SLC6A5: variants seen among roughly 807,000 people sequenced by gnomAD.
SLC6A5 encodes sodium- and chloride-dependent glycine transporter 2.
Under a neutral mutation model 90.5 loss-of-function variants are expected in SLC6A5, and 58 were observed. That is an observed-to-expected ratio of 0.64 (90% CI 0.52 to 0.80). The LOEUF is 0.80. Among genes scored for constraint, SLC6A5 ranks in the 30% least tolerant of loss-of-function variants. The probability of loss-of-function intolerance (pLI) is 0.00; values close to 1 mark genes in which losing one functional copy is unlikely to be tolerated. For synonymous variants in SLC6A5, 427 were observed against 401.4 expected (o/e 1.06, Z -0.76); for missense variants, 1,015 against 1,017.6 (o/e 1.00, Z 0.03).
intron 2 of SLC6A5, among the ~76,000 whole-genome samples, chr11:20,601,867 C>G (rs1356769015): frequency 6.6e-6 from 1 of 152,208 alleles, no homozygotes; most frequent in Admixed American, 6.5e-5. Flanking sequence ...GCTGCAGTGA[C>G]CCTGCCAGAG....
intron 12 of SLC6A5, among the ~76,000 whole-genome samples, chr11:20,637,523 A>G (rs1253731898): frequency 6.6e-6 from 1 of 152,158 alleles, no homozygotes; most frequent in East Asian, 1.9e-4. Context: ...ATTGAGATGT[A>G]GCCTTATTGA....
intron 12 of SLC6A5, 21 bp downstream of exon 12, chr11:20,637,324 A>C: frequency 9.6e-6 from 11 of 1,141,536 alleles, no homozygotes; most frequent in East Asian, 8.4e-5. Flanking sequence ...TCCTAGGCAC[A>C]GGCTTGGGGT....
At position 20,629,736 on chromosome 11, in the gene SLC6A5, T is replaced by C. The variant is rs556176119; in HGVS notation, c.1500-955T>C. Among the ~76,000 whole-genome samples, 210 of 152,088 alleles carry C rather than the reference T, an allele frequency of 1.4e-3. 1 individual carries two copies. Among genetic ancestry groups the C allele is most frequent in the South Asian group, 2.7e-3 (13 of 4,814 alleles). On this transcript the variant is annotated intron_variant, in intron 9 of 15. Coordinates refer to ENST00000525748, the MANE Select transcript of SLC6A5 (RefSeq NM_004211.5). ...CTCATAGTGCTGTAGGATGATTTTT[T>C]TTTTTTTTTTTGAGATGGAGTTTCG...
At chr11:20,640,929 T>A (rs951167901) in intron 13 of SLC6A5, among the ~76,000 whole-genome samples, 3 of 152,228 alleles carry the variant, frequency 2.0e-5, no homozygotes, top group Admixed American at 6.5e-5. Flanking sequence ...GTTTTCTTCT[T>A]GTTTCTAATA....
chr11:20,600,384 G>GAAGA (rs1555037534), intron 1 of SLC6A5, among the ~76,000 whole-genome samples: 4 of 149,814 alleles, frequency 2.7e-5, no homozygotes, highest in Non-Finnish European at 1.5e-5. Context: ...AGAAGAAGAA[G>GAAGA]AAGAAGAAGA....
rs68111718 is a variant in SLC6A5, at chr11:20,618,945, G to GACACAC, written c.1260+1091_1260+1096dup. The stretch of plus-strand genomic sequence containing the variant: ...GACAGAGTGAGATCCTGTCCCGCCC[G>GACACAC]ACACACACACACACACACACACACA... On this transcript the variant is annotated intron_variant, in intron 7 of 15. Transcript: ENST00000525748. 4.6e-3 allele frequency among the ~76,000 whole-genome samples: 690 copies of GACACAC among 148,746 alleles called. 11 individuals carry two copies. The highest frequency in any genetic ancestry group is 0.014 in the African/African-American group (551 of 40,530).
chr11:20,655,368 T>G lies in SLC6A5; in HGVS notation c.*500T>G, dbSNP rs2133828511. On this transcript the variant is annotated 3_prime_UTR_variant, in exon 16 of 16. Transcript: ENST00000525748. ...AGAGTTAGCAGTGGTCAGAAAATGT[T>G]TTGGATGTAAGACAAGACCATTCAA... 4.9e-6 allele frequency: 1 copy of G among 204,118 alleles called. No homozygotes were observed. Among genetic ancestry groups the G allele is most frequent in the South Asian group, 9.2e-5 (1 of 10,818 alleles). The allele number at this position is 204,118 out of a possible 1,614,324, so 12.6% of individuals were successfully genotyped here.
Position 20,634,636 on chromosome 11 carries a change from T to G in SLC6A5, c.1625-1671T>G, listed in dbSNP as rs79771048. On this transcript the variant is annotated intron_variant, in intron 10 of 15. Transcript: ENST00000525748. Reference sequence around the variant, plus strand: ...TTGAACTTTAGTTTAATACAGACTTTTCTTTTACGGTTCACATAGGGAGCC... The same window carrying G: ...TTGAACTTTAGTTTAATACAGACTTGTCTTTTACGGTTCACATAGGGAGCC... 0.031 allele frequency among the ~76,000 whole-genome samples: 4,702 copies of G among 152,312 alleles called. 459 individuals are homozygous for G. The East Asian group carries it at 0.38, about 12-fold the overall frequency.
In SLC6A5 at chr11:20,652,051, A is replaced by T. The variant is rs182084671; in HGVS notation, c.2071-238A>T. 6.1e-4 allele frequency among the ~76,000 whole-genome samples: 92 copies of T among 152,060 alleles called. 1 individual carries two copies. Among genetic ancestry groups the T allele is most frequent in the South Asian group, 1.2e-3 (6 of 4,826 alleles). On this transcript the variant is annotated intron_variant, in intron 14 of 15. Transcript: ENST00000525748. ...CCTGTCTGTATGTATACACATGCACACATATTGCTCCGCTCCCATGGTTTG... is the reference window on the plus strand; with the variant it reads ...CCTGTCTGTATGTATACACATGCACTCATATTGCTCCGCTCCCATGGTTTG...
chr11:20,601,301 C>T lies in SLC6A5; in HGVS notation c.176C>T (p.Ala59Val), dbSNP rs1185416798. The T allele has an allele frequency of 2.5e-6, 4 of 1,591,348 alleles. No individual in the cohort carries two copies. Among genetic ancestry groups the T allele is most frequent in the Non-Finnish European group, 3.4e-6 (4 of 1,173,996 alleles). The change falls in exon 2 of 16, where the codon GCC (alanine) becomes GTC (valine). Residue 59 changes from alanine (A) to valine (V), a missense_variant. This residue lies in a region of SLC6A5 where 567 missense variants were observed against 507.3 expected (regional missense o/e 1.12). Coordinates refer to ENST00000525748, the MANE Select transcript of SLC6A5 (RefSeq NM_004211.5). ...GTGCCCAGGTCCGCTTCCACCGGCG[C>T]CCAAACTTTCCAGTCAGCGGACGCG... ...PRVPRSASTGAQTFQSADARA... is the reference protein window; with the variant it reads ...PRVPRSASTGVQTFQSADARA...
chr11:20,642,808 G>C (rs1449709233), intron 13 of SLC6A5, among the ~76,000 whole-genome samples: 1 of 152,226 alleles, frequency 6.6e-6, no homozygotes. Context: ...GCAGAGGCTG[G>C]AGGAACTGGA....
intron 5 of SLC6A5, among the ~76,000 whole-genome samples, chr11:20,608,958 C>CTGTGTGTGTGTG (rs71063652): frequency 7.2e-5 from 8 of 110,838 alleles, no homozygotes; most frequent in Non-Finnish European, 1.2e-4. Flanking sequence ...CTCTCTCTCT[C>CTGTGTGTGTGTG]TGTGTGTGTG....
chr11:20,644,448 G>A (rs12226489), intron 13 of SLC6A5, among the ~76,000 whole-genome samples: 10,989 of 152,230 alleles, frequency 0.072, 697 homozygotes, highest in East Asian at 0.2. Flanking sequence ...ACGCCGTTGT[G>A]TATGTACACC....
chr11:20,647,502 C>T lies in SLC6A5; in HGVS notation c.2070+568C>T, dbSNP rs971656410. 4.4e-5 allele frequency among the ~76,000 whole-genome samples: 6 copies of T among 137,322 alleles called. No individual in the cohort carries two copies. The East Asian group carries it at 1.4e-3, about 31-fold the overall frequency. 90.1% of individuals were successfully genotyped at this position (137,322 alleles called of 152,430 possible). On this transcript the variant is annotated intron_variant, in intron 14 of 15. Coordinates refer to ENST00000525748, the MANE Select transcript of SLC6A5 (RefSeq NM_004211.5). ...GTTCCTATATATATATATAAATGTT[C>T]CTATGGAACATTTCCTATGGCACAT...
intron 7 of SLC6A5, among the ~76,000 whole-genome samples, chr11:20,620,125 G>T (rs1852862050): frequency 6.6e-6 from 1 of 152,100 alleles, no homozygotes; most frequent in African/African-American, 2.4e-5. Flanking sequence ...GTCACTTATG[G>T]CTAGAAATGG....
chr11:20,644,377 T>G (rs1182112559), intron 13 of SLC6A5, among the ~76,000 whole-genome samples: 1 of 152,212 alleles, frequency 6.6e-6, no homozygotes, highest in Non-Finnish European at 1.5e-5. Flanking sequence ...TCGCATAATG[T>G]CCTCCAGGTT....
chr11:20,601,524 C>A lies in SLC6A5; in HGVS notation c.399C>A (p.Asn133Lys), dbSNP rs774770948. 15 of 1,614,004 alleles carry A rather than the reference C, an allele frequency of 9.3e-6. No homozygotes were observed. Among genetic ancestry groups the A allele is most frequent in the African/African-American group, 1.3e-5 (1 of 74,938 alleles). Reference sequence around the variant, plus strand: ...TGCGAGGCCCGGAGGGGGATGCGAACGTGAGTGTGGGCAAGGGCACCCTGG... The same window carrying A: ...TGCGAGGCCCGGAGGGGGATGCGAAAGTGAGTGTGGGCAAGGGCACCCTGG... ...PFLRGPEGDANVSVGKGTLER... is the reference protein window; with the variant it reads ...PFLRGPEGDAKVSVGKGTLER... Residue 133 changes from asparagine to lysine, a missense_variant, in exon 2 of 16, where the codon AAC (asparagine) becomes AAA (lysine). By Grantham distance (94) the Asn-to-Lys change is moderately conservative. Around this residue, in one of 3 missense-constraint regions of SLC6A5, gnomAD observed 567 missense variants for 507.3 expected, o/e 1.12. Coordinates refer to ENST00000525748, the MANE Select transcript of SLC6A5 (RefSeq NM_004211.5).
At chr11:20,616,617 C>G (rs1331812308) in intron 6 of SLC6A5, among the ~76,000 whole-genome samples, 1 of 152,176 alleles carries the variant, frequency 6.6e-6, no homozygotes, top group Non-Finnish European at 1.5e-5. Flanking sequence ...CTTTTCCTTG[C>G]TTGGCAAATA....
intron 13 of SLC6A5, 51 bp downstream of exon 13, chr11:20,638,609 G>A (rs1398306967): frequency 9.8e-7 from 1 of 1,023,542 alleles, no homozygotes; most frequent in Non-Finnish European, 1.6e-6. Context: ...GTGTCGGTAA[G>A]GCATTCATGG....
Sources: allele counts gnomAD v4.1 joint callset (sites outside exome capture counted in the v4.1 genomes callset), GRCh38; gene constraint gnomAD v4.1.1; regional missense constraint gnomAD v4.1.1; transcripts MANE v1.5; gene names NCBI Gene and HGNC (gene_info 2026-07-23, HGNC 2026-07-21).